The following TNIK variants were observed in gnomAD, a reference collection of about 807,000 sequenced individuals.
TNIK encodes TRAF2 and NCK-interacting protein kinase.
TNIK carries 49 observed loss-of-function variants against 191.3 expected under a neutral mutation model. The ratio of observed to expected loss-of-function variants is 0.26; its 90% confidence interval spans 0.20 to 0.32. TNIK has a LOEUF of 0.32. Ranked by LOEUF, TNIK falls within the 10% of genes least tolerant of loss-of-function variation. TNIK has a pLI of 1.00. For missense variants in TNIK, 1,155 were observed against 1,702.3 expected, an observed-to-expected ratio of 0.68 and a Z score of 5.66; for synonymous variants, 594 against 600.9, an observed-to-expected ratio of 0.99 and a Z score of 0.17.
At chr3:171,360,271 T>C (rs976669190) in intron 2 of TNIK, among the ~76,000 whole-genome samples, 2 of 152,186 alleles carry the variant, frequency 1.3e-5, no homozygotes, top group African/African-American at 4.8e-5. Flanking sequence ...CTTCAACACA[T>C]CAACTACACC....
chr3:171,337,494 G>A lies in TNIK; in HGVS notation c.123+32126C>T, dbSNP rs776378901. On this transcript the variant is annotated intron_variant, in intron 2 of 32. Transcript: ENST00000436636. ...GCATGTAAATACGGTTTAAGCCTGG[G>A]CATCCTATTTGGGCGGATATAGTTA... 2.0e-5 allele frequency among the ~76,000 whole-genome samples: 3 copies of A among 152,180 alleles called. No homozygotes were observed. The South Asian group carries it at 6.2e-4, about 32-fold the overall frequency.
chr3:171,124,435 T>C, intron 17 of TNIK, among the ~76,000 whole-genome samples: 1 of 152,182 alleles, frequency 6.6e-6, no homozygotes, highest in Non-Finnish European at 1.5e-5. Context: ...TTAGCTTATC[T>C]GGCAGAAACC....
At chr3:171,066,488 TG>T in intron 31 of TNIK, 87 bp downstream of exon 31, 1 of 1,464,994 alleles carries the variant, frequency 6.8e-7, no homozygotes, top group Non-Finnish European at 9.2e-7. Context: ...TTTTTTTTTG[TG>T]GAATCAAATG....
chr3:171,082,313 T>C lies in TNIK; in HGVS notation c.3251A>G (p.Asn1084Ser), dbSNP rs896028115. The C allele has an allele frequency of 1.9e-6, 3 of 1,613,730 alleles. No homozygotes were observed. The highest frequency in any genetic ancestry group is 1.1e-5 in the South Asian group (1 of 91,064). The change falls in exon 27 of 33, where the codon AAC becomes AGC. Residue 1084 changes from asparagine to serine, a missense_variant. Physicochemically the swap from Asn to Ser is conservative, Grantham distance 46 (BLOSUM62 1). Coordinates refer to ENST00000436636, the MANE Select transcript of TNIK (RefSeq NM_015028.4). ...ATCCATCTGCTGAAATCGCCTCCGG[T>C]TGATCAGATTATAGACTTTGCCTTG... ...SGQGKVYNLI[N>S]RRRFQQMDVL...
chr3:171,317,369 G>A (rs979633659), intron 2 of TNIK, among the ~76,000 whole-genome samples: 2 of 152,142 alleles, frequency 1.3e-5, no homozygotes. Flanking sequence ...CCATGATAGT[G>A]GGATGTGGGA....
chr3:171,441,485 T>G (rs187050228), intron 1 of TNIK, among the ~76,000 whole-genome samples: 121 of 152,360 alleles, frequency 7.9e-4, no homozygotes, highest in African/African-American at 2.7e-3. Context: ...GATTCAGTAC[T>G]TCCTTCATTT....
chr3:171,459,037 G>A (rs973032513), intron 1 of TNIK, among the ~76,000 whole-genome samples: 4 of 152,102 alleles, frequency 2.6e-5, no homozygotes, highest in Admixed American at 1.3e-4. Context: ...CGTCGAAGCA[G>A]CACTTGGATT....
intron 2 of TNIK, among the ~76,000 whole-genome samples, chr3:171,256,665 A>C (rs1746918361): frequency 6.6e-6 from 1 of 152,210 alleles, no homozygotes; most frequent in Admixed American, 6.5e-5. Context: ...GAGTCATCCA[A>C]TTTACTTCCT....
At chr3:171,085,031 T>C in intron 25 of TNIK, 87 bp downstream of exon 25, 1 of 1,079,780 alleles carries the variant, frequency 9.3e-7, no homozygotes, top group Non-Finnish European at 1.3e-6. Context: ...TCAGCTTAAC[T>C]ACTGAACTGA....
chr3:171,146,893 CAAAAAAA>C lies in TNIK; in HGVS notation c.1222-6391_1222-6385del, dbSNP rs34998782. On this transcript the variant is annotated intron_variant, in intron 12 of 32. Coordinates refer to ENST00000436636, the MANE Select transcript of TNIK (RefSeq NM_015028.4). ...TGGGTGACAGAGTGAGACTTCATCT[CAAAAAAA>C]AAAAAAAAAAAAAGTGACGAATGAG... is the stretch of plus-strand genomic sequence containing the variant. 7.3e-5 allele frequency among the ~76,000 whole-genome samples: 4 copies of C among 54,898 alleles called. No homozygotes were observed. The East Asian group carries it at 1.8e-3, about 24-fold the overall frequency. The allele number at this position is 54,898 out of a possible 152,430, so 36.0% of individuals were successfully genotyped here. A position where few individuals can be genotyped will look rare whatever the true frequency, so the allele number is the denominator to read the frequency against.
At position 171,081,792 on chromosome 3, in the gene TNIK, G is replaced by C. The variant is rs575877445; in HGVS notation, c.3313+459C>G. Among the ~76,000 whole-genome samples, 3 of 150,274 alleles carry C rather than the reference G, an allele frequency of 2.0e-5. No homozygotes were observed. The South Asian group carries it at 6.3e-4, about 32-fold the overall frequency. Reference sequence around the variant, plus strand: ...CACACTCAAATCTTTTTGTAGACTTGATCACCCAGTGTGCCAGCTGCACCT... The same window carrying C: ...CACACTCAAATCTTTTTGTAGACTTCATCACCCAGTGTGCCAGCTGCACCT... On this transcript the variant is annotated intron_variant, in intron 27 of 32. Transcript: ENST00000436636.
intron 2 of TNIK, among the ~76,000 whole-genome samples, chr3:171,283,564 A>G (rs1750708142): frequency 6.6e-6 from 1 of 152,200 alleles, no homozygotes; most frequent in African/African-American, 2.4e-5. Context: ...TCTCCTTGGC[A>G]GCCGTTCCAA....
At chr3:171,453,032 T>C (rs897073083) in intron 1 of TNIK, among the ~76,000 whole-genome samples, 10 of 152,298 alleles carry the variant, frequency 6.6e-5, no homozygotes, top group African/African-American at 2.4e-4. Flanking sequence ...CCTGAAATTG[T>C]GCCATGGTCA....
Position 171,226,127 on chromosome 3 carries a change from C to T in TNIK, c.180+2038G>A, listed in dbSNP as rs181688572. 1.8e-3 allele frequency among the ~76,000 whole-genome samples: 280 copies of T among 152,246 alleles called. 1 individual carries two copies. The highest frequency in any genetic ancestry group is 6.3e-3 in the African/African-American group (263 of 41,576). On this transcript the variant is annotated intron_variant, in intron 3 of 32. Coordinates refer to ENST00000436636, the MANE Select transcript of TNIK (RefSeq NM_015028.4). ...TGCTAATCGACCATTCCAGTATCCA[C>T]TCTCCCTTCATTTCTGACTGATAGA...
At chr3:171,448,959 G>A (rs1411326243) in intron 1 of TNIK, among the ~76,000 whole-genome samples, 4 of 151,734 alleles carry the variant, frequency 2.6e-5, no homozygotes, top group South Asian at 2.1e-4. Flanking sequence ...GTGTACATAT[G>A]TTCTCATTGT....
intron 1 of TNIK, among the ~76,000 whole-genome samples, chr3:171,435,830 A>G (rs1725965900): frequency 6.6e-6 from 1 of 152,218 alleles, no homozygotes; most frequent in Admixed American, 6.5e-5. Flanking sequence ...TACTTCACAT[A>G]TAAAAAGTTT....
chr3:171,132,219 T>C (rs1298420868), intron 15 of TNIK, among the ~76,000 whole-genome samples: 1 of 152,172 alleles, frequency 6.6e-6, no homozygotes, highest in Non-Finnish European at 1.5e-5. Context: ...ATAAATGATT[T>C]CACAGTAGAA....
chr3:171,087,280 A>C (rs1721486431), intron 24 of TNIK, 62 bp downstream of exon 24: 1 of 1,600,310 alleles, frequency 6.2e-7, no homozygotes, highest in Admixed American at 1.7e-5. Flanking sequence ...TGAAGAGATC[A>C]TGGTTTTAGA....
chr3:171,336,473 T>C (rs1756961975), intron 2 of TNIK, among the ~76,000 whole-genome samples: 1 of 152,232 alleles, frequency 6.6e-6, no homozygotes, highest in African/African-American at 2.4e-5. Context: ...TAACCTGCTG[T>C]ATGACCACAT....
Sources: allele counts gnomAD v4.1 joint callset (sites outside exome capture counted in the v4.1 genomes callset), GRCh38; gene constraint gnomAD v4.1.1; transcripts MANE v1.5; gene names NCBI Gene and HGNC (gene_info 2026-07-23, HGNC 2026-07-21).